The following COL3A1 variants were observed in gnomAD, a reference collection of about 807,000 sequenced individuals.
COL3A1 encodes the protein collagen type III alpha 1 chain.
A neutral mutation model predicts 200.9 loss-of-function variants in COL3A1; 46 were observed. The ratio of observed to expected loss-of-function variants is 0.23; its 90% CI spans 0.18 to 0.29. The LOEUF is 0.29. Ranked by LOEUF, COL3A1 falls within the 10% of genes least tolerant of loss-of-function variation. COL3A1 has a pLI of 1.00. For missense variants in COL3A1, 1,367 were observed against 1,917.6 expected (o/e 0.71, Z 5.36); for synonymous variants, 650 against 628.0 (o/e 1.03, Z -0.52).
rs190903102 is a variant in COL3A1, at chr2:189,012,448, G to T, written c.*674G>T. On this transcript the variant is annotated 3_prime_UTR_variant, in exon 51 of 51. Coordinates refer to ENST00000304636, the MANE Select transcript of COL3A1 (RefSeq NM_000090.4). ...TAATATTTGGGAAGGCTTTAAAGACGCATGTTATGGTGCTAATGTACTTTC... is the reference window on the plus strand; with the variant it reads ...TAATATTTGGGAAGGCTTTAAAGACTCATGTTATGGTGCTAATGTACTTTC... 2.0e-5 allele frequency: 3 copies of T among 152,700 alleles called. No individual in the cohort carries two copies. The highest frequency in any genetic ancestry group is 2.9e-5 in the Non-Finnish European group (2 of 68,188). 9.5% of individuals were successfully genotyped at this position (152,700 alleles called of 1,614,324 possible). A position where few individuals can be genotyped will look rare whatever the true frequency, so the allele number is the denominator to read the frequency against.
At chr2:188,985,635 C>T (rs1688050884) in intron 3 of COL3A1, 30 bp from the exon 4 acceptor site, 1 of 1,429,186 alleles carries the variant, frequency 7.0e-7, no homozygotes, top group Non-Finnish European at 9.8e-7. Context: ...GGATTTTTCA[C>T]TATTTAATTT....
At chr2:188,987,436 T>G (rs138751203) in intron 5 of COL3A1, among the ~76,000 whole-genome samples, 160 of 152,106 alleles carry the variant, frequency 1.1e-3, no homozygotes, top group African/African-American at 3.6e-3. Flanking sequence ...CAAACTATTG[T>G]TTTATAAATT....
In COL3A1 at chr2:189,010,495, T is replaced by A. The variant is rs868137098; in HGVS notation, c.4011+130T>A. On this transcript the variant is annotated intron_variant, in intron 49 of 50. Coordinates refer to ENST00000304636, the MANE Select transcript of COL3A1 (RefSeq NM_000090.4). ...TTGCAGTTTTTGCTACTGAAAGTGA[T>A]GGCATGCAATAAAAATATTTTCACA... is the stretch of plus-strand genomic sequence containing the variant. The A allele has an allele frequency of 4.1e-6, 6 of 1,471,546 alleles. No homozygotes were observed. In the Middle Eastern group the frequency reaches 7.3e-4, roughly 180 times the overall value. The allele number at this position is 1,471,546 out of a possible 1,614,324, so 91.2% of individuals were successfully genotyped here.
intron 1 of COL3A1, among the ~76,000 whole-genome samples, chr2:188,978,455 C>A (rs1450071630): frequency 6.6e-6 from 1 of 151,968 alleles, no homozygotes; most frequent in African/African-American, 2.4e-5. Context: ...GAAAAGAGTG[C>A]CATCTACCGA....
chr2:189,010,472 G>T (rs901602818), intron 49 of COL3A1, 107 bp downstream of exon 49: 3 of 1,492,698 alleles, frequency 2.0e-6, no homozygotes, highest in Non-Finnish European at 2.8e-6. Flanking sequence ...AAACATAATT[G>T]CAGTTTTTGC....
At chr2:189,011,282 A>G (rs567585795) in intron 50 of COL3A1, among the ~76,000 whole-genome samples, 1 of 152,300 alleles carries the variant, frequency 6.6e-6, no homozygotes, top group Admixed American at 6.5e-5. Context: ...GGGAAAACTC[A>G]CTTCTAATAT....
rs777307062 is a variant in COL3A1, at chr2:189,008,042, T to A, written c.3425T>A (p.Val1142Asp). The change falls in exon 47 of 51, where the codon GTT becomes GAT. Residue 1142 changes from valine (V) to aspartate (D), a missense_variant. Physicochemically the swap from Val to Asp is radical, Grantham distance 152 (BLOSUM62 -3). Around this residue, in one of 5 missense-constraint regions of COL3A1, gnomAD observed 846 missense variants for 1,147.9 expected, o/e 0.74. Transcript: ENST00000304636. ...SPGPAGPRGP[V>D]GPSGPPGKDG... ...GTCATGATACTTTCTTAGGGACCTG[T>A]TGGACCCAGTGGACCTCCTGGCAAA... The A allele has an allele frequency of 6.2e-7, 1 of 1,614,064 alleles. No individual in the cohort carries two copies. Among genetic ancestry groups the A allele is most frequent in the Non-Finnish European group, 8.5e-7 (1 of 1,179,976 alleles).
At chr2:188,985,820 A>T in intron 4 of COL3A1, 42 bp downstream of exon 4, 4 of 1,261,598 alleles carry the variant, frequency 3.2e-6, no homozygotes, top group Non-Finnish European at 4.6e-6. Flanking sequence ...TCATAAAACT[A>T]TCTAGTTCAT....
chr2:188,984,516 C>T (rs1688022695), intron 1 of COL3A1, among the ~76,000 whole-genome samples: 1 of 151,896 alleles, frequency 6.6e-6, no homozygotes, highest in Non-Finnish European at 1.5e-5. Flanking sequence ...AAAATATCTG[C>T]TGGTCTTAAG....
At position 188,999,536 on chromosome 2, in the gene COL3A1, G is replaced by C. The variant is rs267599125; in HGVS notation, c.2188G>C (p.Glu730Gln). ...GTPGLQGMPG[E>Q]RGGLGSPGPK... is the part of the protein sequence containing the mutation. ...TCCTGGTCTGCAAGGAATGCCTGGA[G>C]AAAGAGGAGGTCTTGGAAGTCCTGG... is the stretch of plus-strand genomic sequence containing the variant. The change falls in exon 31 of 51, where the codon GAA becomes CAA. Residue 730 changes from glutamate (E) to glutamine (Q), a missense_variant. By Grantham distance (29) the Glu-to-Gln change is conservative (BLOSUM62 2). Transcript: ENST00000304636. The C allele has an allele frequency of 1.2e-6, 2 of 1,613,842 alleles. No individual in the cohort carries two copies. The highest frequency in any genetic ancestry group is 1.7e-5 in the Admixed American group (1 of 60,000).
At chr2:188,974,677 C>T (rs1335633362) in intron 1 of COL3A1, 109 bp downstream of exon 1, 4 of 845,504 alleles carry the variant, frequency 4.7e-6, no homozygotes, top group Middle Eastern at 2.2e-4. Flanking sequence ...ATAATTTCCT[C>T]TATAAGCTCC....
chr2:188,997,454 A>T, intron 26 of COL3A1, 65 bp downstream of exon 26: 1 of 1,482,568 alleles, frequency 6.7e-7, no homozygotes, highest in South Asian at 1.1e-5. Flanking sequence ...AGAATGCTTC[A>T]AAAATTACAT....
At chr2:189,010,499 A>G in intron 49 of COL3A1, 134 bp downstream of exon 49, 8 of 1,472,512 alleles carry the variant, frequency 5.4e-6, no homozygotes, top group Non-Finnish European at 7.5e-6. Context: ...AAGTGATGGC[A>G]TGCAATAAAA....
At chr2:188,988,683 TC>T in intron 7 of COL3A1, 40 bp downstream of exon 7, 1 of 1,382,874 alleles carries the variant, frequency 7.2e-7, no homozygotes, top group Non-Finnish European at 1.0e-6. Flanking sequence ...AGTCGATAAT[TC>T]CATATGGAAC....
intron 1 of COL3A1, among the ~76,000 whole-genome samples, chr2:188,980,269 C>T (rs1361763528): frequency 6.6e-6 from 1 of 150,918 alleles, no homozygotes; most frequent in African/African-American, 2.4e-5. Flanking sequence ...ATATATGATA[C>T]TTAAAATTTT....
At chr2:189,009,554 T>C (rs1280319635) in intron 48 of COL3A1, among the ~76,000 whole-genome samples, 1 of 152,200 alleles carries the variant, frequency 6.6e-6, no homozygotes, top group Non-Finnish European at 1.5e-5. Flanking sequence ...AATCTGATTA[T>C]TGTAATATTT....
intron 1 of COL3A1, among the ~76,000 whole-genome samples, chr2:188,981,088 T>G (rs1485225748): frequency 6.6e-6 from 1 of 151,436 alleles, no homozygotes; most frequent in East Asian, 1.9e-4. Flanking sequence ...AAACATAACA[T>G]TCATTTTTTG....
chr2:188,987,844 G>A (rs968877627), intron 5 of COL3A1, among the ~76,000 whole-genome samples: 1 of 151,904 alleles, frequency 6.6e-6, no homozygotes, highest in Non-Finnish European at 1.5e-5. Context: ...AAGAGTTCAG[G>A]ACAACATTTT....
chr2:189,005,392 C>A lies in COL3A1; in HGVS notation c.2974C>A (p.Arg992Ser), dbSNP rs1431359737. The change falls in exon 41 of 51, where the codon CGT becomes AGT. Residue 992 changes from arginine (R) to serine (S), a missense_variant. Physicochemically the swap from Arg to Ser is moderately radical, Grantham distance 110. Coordinates refer to ENST00000304636, the MANE Select transcript of COL3A1 (RefSeq NM_000090.4). ...AGGAGCTAACGGTCTCAGTGGAGAA[C>A]GTGGTCCCCCTGGACCCCAGGGTCT... ...KPGANGLSGE[R>S]GPPGPQGLPG... 6.8e-6 allele frequency: 11 copies of A among 1,613,898 alleles called. No homozygotes were observed. The highest frequency in any genetic ancestry group is 9.3e-6 in the Non-Finnish European group (11 of 1,179,958).
Sources: gnomAD v4.1 joint callset for allele counts (sites outside exome capture counted in the v4.1 genomes callset) on GRCh38, gnomAD v4.1.1 for gene constraint, gnomAD v4.1.1 regional missense constraint, MANE v1.5 for transcripts, NCBI Gene and HGNC (gene_info 2026-07-23, HGNC 2026-07-21) for gene names.